TMEM108: variants seen among roughly 807,000 people sequenced by gnomAD.
TMEM108 encodes the protein transmembrane protein 108, also known as cancer/testis antigen 124.
TMEM108 carries 12 observed loss-of-function variants against 35.1 expected under a neutral mutation model. That is an observed-to-expected ratio of 0.34 (90% CI 0.22 to 0.55). TMEM108 has a LOEUF of 0.55. Among genes scored for constraint, TMEM108 ranks in the 20% least tolerant of loss-of-function variants. TMEM108 has a pLI of 0.89. For missense variants in TMEM108, 680 were observed against 753.3 expected, an observed-to-expected ratio of 0.90 and a Z score of 1.14; for synonymous variants, 287 against 308.6, an observed-to-expected ratio of 0.93 and a Z score of 0.73.
At chr3:133,171,132 G>C (rs902532717) in intron 2 of TMEM108, among the ~76,000 whole-genome samples, 3 of 152,114 alleles carry the variant, frequency 2.0e-5, no homozygotes, top group Admixed American at 2.0e-4. Flanking sequence ...AGATGGTGAT[G>C]GTGATGACTG....
chr3:133,142,424 C>G (rs957495004), intron 2 of TMEM108, among the ~76,000 whole-genome samples: 5 of 152,122 alleles, frequency 3.3e-5, no homozygotes, highest in Non-Finnish European at 4.4e-5. Context: ...ATGAGGAGAG[C>G]AGCTCAGCTG....
chr3:133,281,888 T>C (rs1374183446), intron 3 of TMEM108, among the ~76,000 whole-genome samples: 2 of 152,208 alleles, frequency 1.3e-5, no homozygotes, highest in Non-Finnish European at 2.9e-5. Context: ...CTGGGCTTGG[T>C]GGCTCAAGCC....
At position 133,380,923 on chromosome 3, in the gene TMEM108, T is replaced by C; in HGVS notation, c.1212T>C (p.Thr404=). The part of the protein sequence containing the change: ...ESTISGAKEE[T]VATLTMTDRV... ...CTATTTCTGGAGCCAAGGAGGAGAC[T>C]GTGGCCACCCTCACCATGACCGACC... Residue 404 remains threonine (T), a synonymous_variant, in exon 4 of 6, where the codon ACT becomes ACC. Transcript: ENST00000321871. The surrounding 1 kb of genome is among the most constrained non-coding windows in gnomAD (Gnocchi z 5.3). The C allele has an allele frequency of 1.9e-6, 3 of 1,614,188 alleles. No homozygotes were observed. Among genetic ancestry groups the C allele is most frequent in the Non-Finnish European group, 1.7e-6 (2 of 1,180,032 alleles).
chr3:133,309,052 C>A (rs1414097293), intron 3 of TMEM108, among the ~76,000 whole-genome samples: 1 of 152,154 alleles, frequency 6.6e-6, no homozygotes, highest in African/African-American at 2.4e-5. Context: ...TATTATTGGT[C>A]TATTCAGAGA....
chr3:133,306,121 G>C (rs918952676), intron 3 of TMEM108, among the ~76,000 whole-genome samples: 1 of 151,996 alleles, frequency 6.6e-6, no homozygotes, highest in South Asian at 2.1e-4. Context: ...GATAAAGTTC[G>C]ATTTATTGAG....
intron 3 of TMEM108, among the ~76,000 whole-genome samples, chr3:133,232,759 C>G (rs1312985870): frequency 6.6e-6 from 1 of 152,194 alleles, no homozygotes; most frequent in East Asian, 1.9e-4. Flanking sequence ...TTCCTGAGCT[C>G]TACTCAGGAA....
At chr3:133,175,403 T>C (rs879816585) in intron 2 of TMEM108, among the ~76,000 whole-genome samples, 1 of 151,900 alleles carries the variant, frequency 6.6e-6, no homozygotes. Flanking sequence ...AGGGAAAAAA[T>C]GTTGAGGGCA....
intron 3 of TMEM108, among the ~76,000 whole-genome samples, chr3:133,354,885 A>T (rs1352422865): frequency 2.2e-5 from 1 of 45,526 alleles, no homozygotes; most frequent in East Asian, 9.3e-4. Flanking sequence ...CACATGTTTA[A>T]AAAAAAAAAA....
intron 2 of TMEM108, among the ~76,000 whole-genome samples, chr3:133,073,200 T>C (rs1943696717): frequency 6.6e-6 from 1 of 152,044 alleles, no homozygotes; most frequent in Non-Finnish European, 1.5e-5. Flanking sequence ...AATCACGTTG[T>C]TGTATAATAG....
At chr3:133,265,343 TG>T (rs1300435936) in intron 3 of TMEM108, among the ~76,000 whole-genome samples, 3 of 152,184 alleles carry the variant, frequency 2.0e-5, no homozygotes, top group African/African-American at 7.2e-5. Context: ...AATGGGTCCT[TG>T]AGCTCCCAAC....
chr3:133,152,863 TA>T (rs1477223598), intron 2 of TMEM108, among the ~76,000 whole-genome samples: 1 of 152,086 alleles, frequency 6.6e-6, no homozygotes, highest in Non-Finnish European at 1.5e-5. Context: ...GCGACTTAAT[TA>T]AAAAACAACT....
chr3:133,282,672 AATTTT>A (rs1946931600), intron 3 of TMEM108, among the ~76,000 whole-genome samples: 2 of 152,196 alleles, frequency 1.3e-5, no homozygotes, highest in Admixed American at 6.5e-5. Context: ...TGCCCATCAT[AATTTT>A]ATTTCTCCTT....
intron 2 of TMEM108, among the ~76,000 whole-genome samples, chr3:133,147,176 G>T (rs576873009): frequency 1.3e-5 from 2 of 152,086 alleles, no homozygotes; most frequent in Non-Finnish European, 2.9e-5. Flanking sequence ...GTTCTCATAG[G>T]TTTCAAAGAA....
At chr3:133,124,112 C>T (rs752749830) in intron 2 of TMEM108, among the ~76,000 whole-genome samples, 3 of 152,140 alleles carry the variant, frequency 2.0e-5, no homozygotes, top group Admixed American at 6.5e-5. Flanking sequence ...AGTATTTCAT[C>T]TTAGGGTACC....
chr3:133,041,115 T>C (rs1025477737), intron 1 of TMEM108, among the ~76,000 whole-genome samples: 1 of 152,070 alleles, frequency 6.6e-6, no homozygotes. Context: ...AGCCAGGAAA[T>C]GTTTAATTCA....
intron 3 of TMEM108, among the ~76,000 whole-genome samples, chr3:133,361,577 G>T (rs1453293198): frequency 1.3e-5 from 2 of 152,186 alleles, no homozygotes; most frequent in African/African-American, 4.8e-5. Context: ...CTCGGCTTCC[G>T]TTGGCATCAG....
Position 133,380,074 on chromosome 3 carries a change from C to T in TMEM108, c.363C>T (p.Ala121=), listed in dbSNP as rs769687648. ...TGTCCACAGGGCCCGCTCCAGCAGC[C>T]ATGGCAACCACATCCTCCAAGCCAG... The part of the protein sequence containing the change: ...SSLSTGPAPA[A]MATTSSKPEG... Residue 121 remains alanine (A), a synonymous_variant, in exon 4 of 6, where the codon GCC becomes GCT. Transcript: ENST00000321871. The surrounding 1 kb of genome is among the most constrained non-coding windows in gnomAD (Gnocchi z 5.3). 15 of 1,613,888 alleles carry T rather than the reference C, an allele frequency of 9.3e-6. No homozygotes were observed. The highest frequency in any genetic ancestry group is 1.2e-5 in the Non-Finnish European group (14 of 1,179,990).
intron 3 of TMEM108, among the ~76,000 whole-genome samples, chr3:133,263,152 G>A (rs1352140134): frequency 2.0e-5 from 3 of 152,208 alleles, no homozygotes; most frequent in Admixed American, 2.0e-4. Flanking sequence ...ACAACCTTGT[G>A]TGGTGAACTG....
rs190765657 is a variant in TMEM108, at chr3:133,174,877, C to T, written c.-46-54389C>T. On this transcript the variant is annotated intron_variant, in intron 2 of 5. Coordinates refer to ENST00000321871, the MANE Select transcript of TMEM108 (RefSeq NM_023943.4). ...AAGGCTTCAGACAATCAAACTACTC[C>T]GAGCTAAAGGAGGAAGTTTGAACCC... Among the ~76,000 whole-genome samples, 577 of 152,184 alleles carry T rather than the reference C, an allele frequency of 3.8e-3. 2 individuals carry two copies. Among genetic ancestry groups the T allele is most frequent in the Non-Finnish European group, 4.1e-3 (281 of 68,008 alleles).
Sources: gnomAD v4.1 joint callset for allele counts (sites outside exome capture counted in the v4.1 genomes callset) on GRCh38, gnomAD v4.1.1 for gene constraint, Gnocchi (gnomAD v3.1) non-coding constraint, MANE v1.5 for transcripts, NCBI Gene and HGNC (gene_info 2026-07-23, HGNC 2026-07-21) for gene names.